The following KDM5D variants were observed in gnomAD, a reference collection of about 807,000 sequenced individuals.
KDM5D encodes the protein lysine-specific demethylase 5D.
A neutral mutation model predicts 31.9 loss-of-function variants in KDM5D; 25 were observed. The observed-to-expected ratio is 0.78, with a 90% CI of 0.57 to 1.09. KDM5D has a LOEUF of 1.09. Among genes scored for constraint, KDM5D ranks in the 50% least tolerant of loss-of-function variants. The probability of loss-of-function intolerance (pLI) is 0.00; values close to 1 mark genes in which losing one functional copy is unlikely to be tolerated. For missense variants in KDM5D, 366 were observed against 341.6 expected, an observed-to-expected ratio of 1.07 and a Z score of -0.56; for synonymous variants, 146 against 122.3, an observed-to-expected ratio of 1.19 and a Z score of -1.28.
At chrY:19,719,477 A>G in intron 13 of KDM5D, among the ~76,000 whole-genome samples, 1 of 33,591 alleles carries the variant, frequency 3.0e-5, no homozygotes, top group Non-Finnish European at 7.3e-5. Flanking sequence ...AAGAATCAGA[A>G]AACTCTAAGA....
intron 11 of KDM5D, among the ~76,000 whole-genome samples, chrY:19,727,135 T>C: frequency 3.0e-5 from 1 of 33,544 alleles, no homozygotes; most frequent in Non-Finnish European, 7.4e-5. Context: ...ATTAAAGTTC[T>C]GAAACTGATG....
At chrY:19,734,489 G>A (rs2045494441) in intron 8 of KDM5D, among the ~76,000 whole-genome samples, 1 of 33,928 alleles carries the variant, frequency 2.9e-5, no homozygotes, top group African/African-American at 1.1e-4. Context: ...GTGTATGGGT[G>A]ATACACAGAA....
intron 13 of KDM5D, among the ~76,000 whole-genome samples, chrY:19,720,335 CT>C (rs2045383244): frequency 3.0e-5 from 1 of 33,275 alleles, no homozygotes; most frequent in African/African-American, 1.2e-4. Context: ...GATGAAAAAA[CT>C]GAGGAAGATG....
chrY:19,733,600 G>A (rs2045487597), intron 8 of KDM5D, among the ~76,000 whole-genome samples: 1 of 31,050 alleles, frequency 3.2e-5, no homozygotes, highest in African/African-American at 1.3e-4. Context: ...GGCCAGGTGC[G>A]GTGGCTCAAG....
At position 19,716,370 on chromosome Y, in the gene KDM5D, G is replaced by A. The variant is rs774188432; in HGVS notation, c.1940C>T (p.Thr647Met). The A allele has an allele frequency of 1.0e-5, 4 of 398,672 alleles. No individual in the cohort carries two copies. The highest frequency in any genetic ancestry group is 1.4e-5 in the Non-Finnish European group (4 of 283,101). ...AGCTACTGCTAGATTGAGATCCAAC[G>A]TCTCTGGGAAGGCAGCCATCTTGCA... ...LICKMAAFPE[T>M]LDLNLAVAVH... The change falls in exon 15 of 27, where the codon ACG (threonine) becomes ATG (methionine). Residue 647 changes from threonine (T) to methionine (M), a missense_variant. Transcript: ENST00000317961.
intron 11 of KDM5D, among the ~76,000 whole-genome samples, chrY:19,730,784 G>A: frequency 3.0e-5 from 1 of 33,250 alleles, no homozygotes; most frequent in Non-Finnish European, 7.4e-5. Context: ...AAATTAGTGC[G>A]ACACTATTGT....
At chrY:19,718,759 C>T (rs2045366848) in intron 13 of KDM5D, among the ~76,000 whole-genome samples, 1 of 33,920 alleles carries the variant, frequency 2.9e-5, no homozygotes, top group Non-Finnish European at 7.3e-5. Flanking sequence ...AACTATTGTA[C>T]ATAAAAGCAA....
At chrY:19,719,631 T>C in intron 13 of KDM5D, among the ~76,000 whole-genome samples, 1 of 32,995 alleles carries the variant, frequency 3.0e-5, no homozygotes, top group Non-Finnish European at 7.4e-5. Flanking sequence ...GGCAGAACAG[T>C]TGAAGCAAAA....
intron 11 of KDM5D, among the ~76,000 whole-genome samples, chrY:19,725,199 G>T: frequency 3.0e-5 from 1 of 33,167 alleles, no homozygotes; most frequent in Admixed American, 2.8e-4. Flanking sequence ...CACAAAACTG[G>T]AACAAACTAC....
intron 11 of KDM5D, among the ~76,000 whole-genome samples, chrY:19,730,357 C>T (rs936072175): frequency 3.0e-5 from 1 of 32,897 alleles, no homozygotes; most frequent in Admixed American, 2.8e-4. Context: ...GATATTATCT[C>T]ACAAAACTTC....
intron 6 of KDM5D, 62 bp from the exon 7 acceptor site, chrY:19,735,812 T>C: frequency 4.0e-6 from 1 of 250,009 alleles, no homozygotes; most frequent in Non-Finnish European, 6.6e-6. Context: ...AAATACTTTA[T>C]AGGCAAGGTC....
At chrY:19,738,393 G>T (rs2045524228) in intron 6 of KDM5D, among the ~76,000 whole-genome samples, 1 of 32,676 alleles carries the variant, frequency 3.1e-5, no homozygotes, top group Non-Finnish European at 7.5e-5. Context: ...TCTCACTTTG[G>T]TCTAATTTCT....
intron 18 of KDM5D, among the ~76,000 whole-genome samples, chrY:19,710,921 A>G (rs1031146683): frequency 2.9e-5 from 1 of 34,135 alleles, no homozygotes; most frequent in African/African-American, 1.1e-4. Flanking sequence ...ATTAGGATTC[A>G]GAAGTAGTAG....
chrY:19,733,373 A>G, intron 8 of KDM5D, among the ~76,000 whole-genome samples: 1 of 32,784 alleles, frequency 3.1e-5, no homozygotes, highest in South Asian at 6.7e-4. Flanking sequence ...ACAAGAATCT[A>G]GAAGTAAACT....
At chrY:19,736,790 TCTAA>T (rs2045515079) in intron 6 of KDM5D, among the ~76,000 whole-genome samples, 1 of 32,861 alleles carries the variant, frequency 3.0e-5, no homozygotes, top group African/African-American at 1.2e-4. Context: ...AGTCCAAACC[TCTAA>T]CTATTTCCTT....
intron 8 of KDM5D, among the ~76,000 whole-genome samples, chrY:19,732,972 C>T: frequency 3.1e-5 from 1 of 32,608 alleles, no homozygotes; most frequent in Admixed American, 2.8e-4. Context: ...GGTTCAACGG[C>T]GTAAACAAAA....
chrY:19,709,959 A>T, intron 19 of KDM5D, 150 bp from the exon 20 acceptor site: 1 of 345,324 alleles, frequency 2.9e-6, no homozygotes, highest in Non-Finnish European at 3.9e-6. Context: ...CTATCTGATA[A>T]TAACAAAGGC....
intron 11 of KDM5D, among the ~76,000 whole-genome samples, chrY:19,731,074 T>C (rs2045469286): frequency 3.0e-5 from 1 of 33,821 alleles, no homozygotes. Flanking sequence ...TCAACCCTCT[T>C]GTAAGACTAA....
chrY:19,741,718 A>T lies in KDM5D; in HGVS notation c.351+17T>A. 1 of 389,219 alleles carries T rather than the reference A, an allele frequency of 2.6e-6. No individual in the cohort carries two copies. The highest frequency in any genetic ancestry group is 3.6e-6 in the Non-Finnish European group (1 of 276,835). ...CAAGGCTTTTTGTTTTTCCTTTAGA[A>T]AGTAGACTACTCTTACCTTACTAAG... On this transcript the variant is annotated intron_variant, in intron 4 of 26. Coordinates refer to ENST00000317961, the MANE Select transcript of KDM5D (RefSeq NM_004653.5).
Sources: allele counts gnomAD v4.1 joint callset (sites outside exome capture counted in the v4.1 genomes callset), GRCh38; gene constraint gnomAD v4.1.1; transcripts MANE v1.5; gene names NCBI Gene and HGNC (gene_info 2026-07-23, HGNC 2026-07-21).